EYA3: variants seen among roughly 807,000 people sequenced by gnomAD.
EYA3 encodes the protein protein phosphatase EYA3.
A neutral mutation model predicts 80.0 loss-of-function variants in EYA3; 39 were observed. That is an observed-to-expected ratio of 0.49 (90% CI 0.38 to 0.64). EYA3 has a LOEUF of 0.64. Ranked by LOEUF, EYA3 falls within the 30% of genes least tolerant of loss-of-function variation. EYA3 has a pLI of 0.00. For missense variants in EYA3, 523 were observed against 676.1 expected, an observed-to-expected ratio of 0.77 and a Z score of 2.51; for synonymous variants, 206 against 232.8, an observed-to-expected ratio of 0.88 and a Z score of 1.05.
chr1:28,036,869 G>T (rs74905096), intron 5 of EYA3, among the ~76,000 whole-genome samples: 2,505 of 152,052 alleles, frequency 0.016, 28 homozygotes, highest in Non-Finnish European at 0.028. Flanking sequence ...TTCACCTTTG[G>T]GGGAAGAGGA....
intron 1 of EYA3, among the ~76,000 whole-genome samples, chr1:28,082,788 G>A (rs1645477949): frequency 6.6e-6 from 1 of 151,960 alleles, no homozygotes; most frequent in African/African-American, 2.4e-5. Flanking sequence ...TAACTTCGAG[G>A]GGCCATTTTA....
intron 1 of EYA3, among the ~76,000 whole-genome samples, chr1:28,084,771 G>T (rs922900377): frequency 6.6e-6 from 1 of 151,006 alleles, no homozygotes; most frequent in Non-Finnish European, 1.5e-5. Context: ...GCCACGCCCA[G>T]CTAATTTTTT....
At chr1:28,053,729 T>G (rs1269537209) in intron 2 of EYA3, among the ~76,000 whole-genome samples, 1 of 152,194 alleles carries the variant, frequency 6.6e-6, no homozygotes, top group Non-Finnish European at 1.5e-5. Context: ...AGTGAACTGC[T>G]TATGAAAAAC....
chr1:28,038,439 TAAAAA>T (rs74525723), intron 5 of EYA3, among the ~76,000 whole-genome samples: 7,417 of 68,660 alleles, frequency 0.11, 510 homozygotes, highest in East Asian at 0.34. Flanking sequence ...GATTCTATCT[TAAAAA>T]AAAAAAAAAA....
chr1:28,033,895 A>T (rs1406986473), intron 6 of EYA3, among the ~76,000 whole-genome samples: 1 of 151,146 alleles, frequency 6.6e-6, no homozygotes, highest in Non-Finnish European at 1.5e-5. Flanking sequence ...CCCGGCCTCA[A>T]GAGATCTGCC....
At chr1:28,068,755 T>C (rs992307815) in intron 1 of EYA3, among the ~76,000 whole-genome samples, 1 of 152,190 alleles carries the variant, frequency 6.6e-6, no homozygotes, top group African/African-American at 2.4e-5. Context: ...AAGTCCTTAA[T>C]TTAAAATGTA....
At chr1:28,035,399 A>T in intron 6 of EYA3, 145 bp downstream of exon 6, 1 of 748,156 alleles carries the variant, frequency 1.3e-6, no homozygotes, top group Non-Finnish European at 2.2e-6. Flanking sequence ...TTTTTTTATT[A>T]CATGCATCAA....
intron 1 of EYA3, among the ~76,000 whole-genome samples, chr1:28,069,102 C>A (rs553602078): frequency 6.6e-6 from 1 of 152,012 alleles, no homozygotes; most frequent in Non-Finnish European, 1.5e-5. Context: ...CAGTGCCCAG[C>A]CTGACTTACT....
chr1:28,083,403 C>T (rs1362301865), intron 1 of EYA3, among the ~76,000 whole-genome samples: 1 of 151,940 alleles, frequency 6.6e-6, no homozygotes, highest in Non-Finnish European at 1.5e-5. Context: ...GCCTGTAATC[C>T]CAGCTACTCA....
intron 1 of EYA3, among the ~76,000 whole-genome samples, chr1:28,061,991 G>C (rs1571926367): frequency 6.6e-6 from 1 of 152,040 alleles, no homozygotes; most frequent in African/African-American, 2.4e-5. Context: ...AAAATATCAA[G>C]TAATACAACA....
At chr1:28,049,697 G>A (rs534908518) in intron 2 of EYA3, among the ~76,000 whole-genome samples, 1 of 152,232 alleles carries the variant, frequency 6.6e-6, no homozygotes, top group Non-Finnish European at 1.5e-5. Flanking sequence ...AAGAGGTGAG[G>A]GAAATATGAT....
At chr1:28,030,576 C>T (rs940137766) in intron 6 of EYA3, among the ~76,000 whole-genome samples, 1 of 152,122 alleles carries the variant, frequency 6.6e-6, no homozygotes, top group South Asian at 2.1e-4. Flanking sequence ...TATGGGTCAC[C>T]GTGCCTGGCT....
intron 6 of EYA3, among the ~76,000 whole-genome samples, chr1:28,034,672 G>A (rs1223167961): frequency 6.6e-6 from 1 of 152,122 alleles, no homozygotes; most frequent in African/African-American, 2.4e-5. Context: ...AGCCAAACAG[G>A]TCAGGAGAAA....
chr1:28,029,416 C>T (rs1642982502), intron 6 of EYA3, among the ~76,000 whole-genome samples: 2 of 152,140 alleles, frequency 1.3e-5, no homozygotes, highest in East Asian at 3.9e-4. Context: ...TGGTCTGTCA[C>T]TTCTTGACTT....
chr1:27,995,601 T>C (rs1156776484), intron 13 of EYA3, among the ~76,000 whole-genome samples: 1 of 151,236 alleles, frequency 6.6e-6, no homozygotes, highest in Non-Finnish European at 1.5e-5. Flanking sequence ...CCAGGAGTGG[T>C]GGCATGCGCC....
At chr1:28,076,063 A>G (rs992381586) in intron 1 of EYA3, among the ~76,000 whole-genome samples, 6 of 152,224 alleles carry the variant, frequency 3.9e-5, no homozygotes, top group African/African-American at 7.2e-5. Context: ...TTCAGCTCTC[A>G]TAACTTAGGC....
chr1:28,004,194 G>A (rs1460586064), intron 11 of EYA3, 142 bp downstream of exon 11: 50 of 545,290 alleles, frequency 9.2e-5, no homozygotes, highest in South Asian at 9.0e-4. Flanking sequence ...CAAGCCATTT[G>A]CAAGCCATTT....
At chr1:28,072,421 C>T (rs1645048432) in intron 1 of EYA3, among the ~76,000 whole-genome samples, 1 of 151,810 alleles carries the variant, frequency 6.6e-6, no homozygotes, top group Non-Finnish European at 1.5e-5. Flanking sequence ...GATTTAGATC[C>T]TTTCGTTTAG....
At chr1:28,073,358 C>A (rs974435116) in intron 1 of EYA3, among the ~76,000 whole-genome samples, 7 of 145,892 alleles carry the variant, frequency 4.8e-5, no homozygotes, top group African/African-American at 1.8e-4. Flanking sequence ...AGTGCAGTGG[C>A]GCGATCTTGG....
Sources: allele counts gnomAD v4.1 joint callset (sites outside exome capture counted in the v4.1 genomes callset), GRCh38; gene constraint gnomAD v4.1.1; transcripts MANE v1.5; gene names NCBI Gene and HGNC (gene_info 2026-07-23, HGNC 2026-07-21).